Variants in PKIB observed in about 807,000 individuals in gnomAD.
PKIB encodes the protein cAMP-dependent protein kinase inhibitor beta, also known as PKI-beta.
In PKIB, 2 loss-of-function variants were observed where a neutral mutation model predicts 4.5. That is an observed-to-expected ratio of 0.44 (90% CI 0.18 to 1.39). PKIB has a LOEUF of 1.39. Ranked by LOEUF, PKIB falls within the 40% of genes most tolerant of loss-of-function variation. The probability of loss-of-function intolerance (pLI) is 0.27; values close to 1 mark genes in which losing one functional copy is unlikely to be tolerated. For missense variants in PKIB, 94 were observed against 92.6 expected (o/e 1.02, Z -0.06); for synonymous variants, 38 against 36.0 (o/e 1.06, Z -0.20).
rs906059769 is a variant in PKIB, at chr6:122,725,335, T to G, written c.*140T>G. The G allele has an allele frequency of 4.5e-6, 3 of 663,360 alleles. No homozygotes were observed. Among genetic ancestry groups the G allele is most frequent in the Non-Finnish European group, 7.8e-6 (3 of 385,814 alleles). 41.1% of individuals were successfully genotyped at this position (663,360 alleles called of 1,614,324 possible). On this transcript the variant is annotated 3_prime_UTR_variant, in exon 5 of 5. Transcript: ENST00000368452. ...GCATGTGTATATTAGATAATTGTGT[T>G]GTGATGCTACTCACTTTGATTGCAA...
chr6:122,642,304 A>C (rs1053913114), intron 2 of PKIB, among the ~76,000 whole-genome samples: 2 of 152,234 alleles, frequency 1.3e-5, no homozygotes, highest in African/African-American at 4.8e-5. Context: ...TGCTTGAAAT[A>C]TCCAGCCCAA....
chr6:122,511,000 C>G (rs767621574), intron 2 of PKIB, among the ~76,000 whole-genome samples: 5 of 152,094 alleles, frequency 3.3e-5, no homozygotes, highest in Non-Finnish European at 7.3e-5. Flanking sequence ...TTTAGGGAGA[C>G]TGGGGGGATT....
chr6:122,475,302 C>T (rs910648311), intron 1 of PKIB, among the ~76,000 whole-genome samples: 9 of 152,308 alleles, frequency 5.9e-5, no homozygotes, highest in African/African-American at 2.2e-4. Context: ...ACCACATCTT[C>T]AGCATAAAGG....
chr6:122,703,381 A>G (rs1259053763), intron 3 of PKIB, among the ~76,000 whole-genome samples: 1 of 152,190 alleles, frequency 6.6e-6, no homozygotes, highest in African/African-American at 2.4e-5. Context: ...TTTGAAAACT[A>G]TTTAAAACCC....
chr6:122,620,327 G>C (rs768125120), intron 1 of PKIB, among the ~76,000 whole-genome samples: 1 of 152,100 alleles, frequency 6.6e-6, no homozygotes, highest in Non-Finnish European at 1.5e-5. Flanking sequence ...CCATGTGGTC[G>C]TGTGTGTTTT....
At chr6:122,623,400 C>G (rs1430553700) in intron 1 of PKIB, among the ~76,000 whole-genome samples, 2 of 152,156 alleles carry the variant, frequency 1.3e-5, no homozygotes, top group African/African-American at 4.8e-5. Flanking sequence ...ATAACATCAT[C>G]AGTATGTTGA....
intron 1 of PKIB, among the ~76,000 whole-genome samples, chr6:122,476,170 G>A (rs1775448058): frequency 6.6e-6 from 1 of 152,134 alleles, no homozygotes; most frequent in East Asian, 1.9e-4. Flanking sequence ...AATAAAATTT[G>A]TGCATAGTTT....
intron 1 of PKIB, among the ~76,000 whole-genome samples, chr6:122,628,166 T>C (rs1207897359): frequency 1.3e-5 from 2 of 152,042 alleles, no homozygotes; most frequent in African/African-American, 4.8e-5. Flanking sequence ...CCTTCCCAAG[T>C]AGCTGGGATT....
chr6:122,720,604 G>A (rs1013698368), intron 4 of PKIB, among the ~76,000 whole-genome samples: 2 of 151,930 alleles, frequency 1.3e-5, no homozygotes, highest in African/African-American at 4.8e-5. Context: ...GGATGCCTAC[G>A]AGACATCTAA....
chr6:122,488,693 C>T (rs534252992), intron 2 of PKIB, among the ~76,000 whole-genome samples: 1 of 152,166 alleles, frequency 6.6e-6, no homozygotes, highest in South Asian at 2.1e-4. Context: ...CCAAGGAGCT[C>T]TTGTTCTACG....
chr6:122,721,151 A>T (rs78151312), intron 4 of PKIB, among the ~76,000 whole-genome samples: 1,935 of 152,318 alleles, frequency 0.013, 32 homozygotes, highest in African/African-American at 0.044. Flanking sequence ...GGAGCCTTAG[A>T]AGTCCTCCAC....
At chr6:122,554,939 A>G (rs1052084176) in intron 2 of PKIB, among the ~76,000 whole-genome samples, 7 of 152,230 alleles carry the variant, frequency 4.6e-5, no homozygotes, top group Non-Finnish European at 4.4e-5. Flanking sequence ...AACCAACAGC[A>G]AATTAAGGGG....
intron 1 of PKIB, among the ~76,000 whole-genome samples, chr6:122,615,747 A>G (rs1774955150): frequency 6.6e-6 from 1 of 152,182 alleles, no homozygotes. Flanking sequence ...GGTAGACAAC[A>G]TGACAATGCT....
At chr6:122,703,651 A>G (rs1477329446) in intron 3 of PKIB, among the ~76,000 whole-genome samples, 1 of 151,924 alleles carries the variant, frequency 6.6e-6, no homozygotes, top group Non-Finnish European at 1.5e-5. Context: ...CTGAAGAGAG[A>G]ATAGTGAACT....
chr6:122,669,865 C>T (rs920938704), intron 2 of PKIB, among the ~76,000 whole-genome samples: 2 of 152,060 alleles, frequency 1.3e-5, no homozygotes, highest in African/African-American at 4.8e-5. Flanking sequence ...TTTTTATGTC[C>T]ATATATATTA....
intron 2 of PKIB, among the ~76,000 whole-genome samples, chr6:122,539,059 T>C (rs1271543300): frequency 1.3e-5 from 2 of 152,124 alleles, no homozygotes; most frequent in African/African-American, 4.8e-5. Context: ...TGAAGTTGCT[T>C]ATCAGCTTAA....
chr6:122,710,803 G>T (rs957573376), intron 3 of PKIB, among the ~76,000 whole-genome samples: 1 of 152,088 alleles, frequency 6.6e-6, no homozygotes, highest in African/African-American at 2.4e-5. Context: ...TTTTTGAATT[G>T]AACCCTAACT....
Position 122,517,036 on chromosome 6 carries a change from T to A in PKIB, c.-248+39097T>A, listed in dbSNP as rs1390864223. ...TTGAATCACTATTTAGTGAATTATG[T>A]CTTAGAATCTCAGCTTTTTAGAGGT... is the stretch of plus-strand genomic sequence containing the variant. On this transcript the variant is annotated intron_variant, in intron 2 of 6. Transcript: ENST00000392491. 2.0e-5 allele frequency among the ~76,000 whole-genome samples: 3 copies of A among 152,214 alleles called. No homozygotes were observed. The East Asian group carries it at 5.8e-4, about 29-fold the overall frequency.
intron 2 of PKIB, among the ~76,000 whole-genome samples, chr6:122,564,924 C>T (rs1773141166): frequency 6.6e-6 from 1 of 152,080 alleles, no homozygotes; most frequent in South Asian, 2.1e-4. Flanking sequence ...AGGTATGCAG[C>T]TAATCTGTAT....
Sources: gnomAD v4.1 joint callset for allele counts (sites outside exome capture counted in the v4.1 genomes callset) on GRCh38, gnomAD v4.1.1 for gene constraint, MANE v1.5 for transcripts, NCBI Gene and HGNC (gene_info 2026-07-23, HGNC 2026-07-21) for gene names.